OSTM1: variants seen among roughly 807,000 people sequenced by gnomAD.
OSTM1 encodes osteoclastogenesis associated transmembrane protein 1.
A neutral mutation model predicts 35.4 loss-of-function variants in OSTM1; 26 were observed. That is an observed-to-expected ratio of 0.73 (90% CI 0.54 to 1.02). The LOEUF (loss-of-function observed/expected upper bound fraction) is 1.02. OSTM1 is among the 50% of genes least tolerant of loss of function. OSTM1 has a pLI of 0.00. For missense variants in OSTM1, 366 were observed against 409.6 expected (o/e 0.89, Z 0.92); for synonymous variants, 181 against 165.0 (o/e 1.10, Z -0.75).
chr6:108,045,949 T>C (rs1260036153), intron 5 of OSTM1, among the ~76,000 whole-genome samples: 2 of 152,148 alleles, frequency 1.3e-5, no homozygotes, highest in Non-Finnish European at 2.9e-5. Flanking sequence ...CAGATAATTC[T>C]GATGTGTAGC....
At chr6:108,066,108 C>G (rs1772371790) in intron 1 of OSTM1, among the ~76,000 whole-genome samples, 1 of 152,098 alleles carries the variant, frequency 6.6e-6, no homozygotes, top group African/African-American at 2.4e-5. Flanking sequence ...TAAGTTAGAA[C>G]AAGGTTATGA....
In OSTM1 at chr6:108,074,640, G is replaced by A. The variant is rs767026135; in HGVS notation, c.12C>T (p.Gly4=). 3 of 1,549,450 alleles carry A rather than the reference G, an allele frequency of 1.9e-6. No individual in the cohort carries two copies. The African/African-American group carries it at 4.1e-5, about 21-fold the overall frequency. Residue 4 remains glycine (G), a synonymous_variant, in exon 1 of 6, where the codon GGC becomes GGT. Coordinates refer to ENST00000193322, the MANE Select transcript of OSTM1 (RefSeq NM_014028.4). The stretch of plus-strand genomic sequence containing the variant: ...AACACCTCCGCTGCGCGGCTGTCGG[G>A]CCCGGCTCCATCACCGGGCTCACAC... The part of the protein sequence containing the change: MEP[G]PTAAQRRCSL...
intron 2 of OSTM1, among the ~76,000 whole-genome samples, chr6:108,057,474 G>A (rs1772188365): frequency 6.6e-6 from 1 of 152,068 alleles, no homozygotes; most frequent in Non-Finnish European, 1.5e-5. Flanking sequence ...AACAATATAG[G>A]GATAAAAGGG....
At chr6:108,064,436 T>A (rs966373568) in intron 1 of OSTM1, 137 bp from the exon 2 acceptor site, 3 of 656,232 alleles carry the variant, frequency 4.6e-6, no homozygotes, top group Non-Finnish European at 8.2e-6. Flanking sequence ...GATGTTAACA[T>A]TAATAAAAAC....
intron 1 of OSTM1, chr6:108,073,942 G>A: frequency 2.3e-6 from 1 of 437,856 alleles, no homozygotes; most frequent in Non-Finnish European, 4.1e-6. Context: ...AACTCCAGGT[G>A]AAGATGAGAA....
chr6:108,071,515 G>A (rs1267798998), intron 1 of OSTM1, among the ~76,000 whole-genome samples: 2 of 120,670 alleles, frequency 1.7e-5, no homozygotes, highest in Non-Finnish European at 3.3e-5. Flanking sequence ...GTTTCACCAT[G>A]TTGGCCAGGC....
At chr6:108,056,388 T>C (rs1772170203) in intron 2 of OSTM1, among the ~76,000 whole-genome samples, 2 of 152,296 alleles carry the variant, frequency 1.3e-5, no homozygotes, top group South Asian at 4.1e-4. Flanking sequence ...AATAAACATA[T>C]TTATATCTAC....
At chr6:108,062,572 G>C (rs1191980189) in intron 2 of OSTM1, among the ~76,000 whole-genome samples, 4 of 142,422 alleles carry the variant, frequency 2.8e-5, no homozygotes. Flanking sequence ...GTTGTAGATA[G>C]GGTCTCGTTC....
intron 2 of OSTM1, among the ~76,000 whole-genome samples, chr6:108,055,901 T>A (rs1021462555): frequency 6.6e-6 from 1 of 152,204 alleles, no homozygotes; most frequent in African/African-American, 2.4e-5. Context: ...TTTCAACAGA[T>A]GGCTTTGTAT....
intron 1 of OSTM1, among the ~76,000 whole-genome samples, chr6:108,067,419 C>T (rs1772398463): frequency 1.3e-5 from 2 of 152,170 alleles, no homozygotes; most frequent in Admixed American, 6.5e-5. Flanking sequence ...ACAGAATCTT[C>T]ACTTTCTCTA....
At chr6:108,051,630 C>T (rs1415455669) in intron 3 of OSTM1, among the ~76,000 whole-genome samples, 1 of 152,136 alleles carries the variant, frequency 6.6e-6, no homozygotes, top group Non-Finnish European at 1.5e-5. Flanking sequence ...TAGGTTCCTG[C>T]CTATGCTGAC....
chr6:108,062,535 C>CTTTTTTTTTTTTT (rs780041339), intron 2 of OSTM1, among the ~76,000 whole-genome samples: 52 of 131,000 alleles, frequency 4.0e-4, no homozygotes, highest in Non-Finnish European at 4.8e-4. Flanking sequence ...CTTTTCTTTT[C>CTTTTTTTTTTTTT]TTTTTTTTTT....
intron 2 of OSTM1, among the ~76,000 whole-genome samples, chr6:108,063,921 A>G (rs1000450712): frequency 1.3e-5 from 2 of 152,198 alleles, no homozygotes; most frequent in Non-Finnish European, 2.9e-5. Context: ...TCTGACAGCT[A>G]GTAGGTTAGG....
At chr6:108,046,585 T>G (rs1178891272) in intron 5 of OSTM1, among the ~76,000 whole-genome samples, 1 of 151,384 alleles carries the variant, frequency 6.6e-6, no homozygotes, top group Non-Finnish European at 1.5e-5. Context: ...GACCTCATGA[T>G]CCACCTGCCT....
chr6:108,042,205 G>A lies in OSTM1; in HGVS notation c.*2580C>T, dbSNP rs1302477819. 1 of 140,998 alleles carries A rather than the reference G, an allele frequency of 7.1e-6. No individual in the cohort carries two copies. The highest frequency in any genetic ancestry group is 1.5e-5 in the Non-Finnish European group (1 of 66,652). The allele number at this position is 140,998 out of a possible 1,614,324, so 8.7% of individuals were successfully genotyped here. On this transcript the variant is annotated 3_prime_UTR_variant, in exon 6 of 6. Coordinates refer to ENST00000193322, the MANE Select transcript of OSTM1 (RefSeq NM_014028.4). The stretch of plus-strand genomic sequence containing the variant: ...CCAGCACTTTGGGAGGCTAAGGCAG[G>A]AGGATCTCTTGAACTCAGGAGTTCA...
At position 108,054,443 on chromosome 6, in the gene OSTM1, CT is replaced by C. The variant is rs375685738; in HGVS notation, c.615+46del. ...AAAAACTTGGAACTGCACATTATTC[CT>C]TTGTACAAGGCAGCATTTTAATTTT... On this transcript the variant is annotated intron_variant, in intron 3 of 5. Coordinates refer to ENST00000193322, the MANE Select transcript of OSTM1 (RefSeq NM_014028.4). 3.9e-4 allele frequency: 336 copies of C among 861,096 alleles called. 1 individual carries two copies. The African/African-American group carries it at 5.3e-3, about 14-fold the overall frequency. 53.3% of individuals were successfully genotyped at this position (861,096 alleles called of 1,614,324 possible).
intron 2 of OSTM1, chr6:108,060,878 C>T (rs1287554134): frequency 2.0e-5 from 3 of 152,150 alleles, no homozygotes; most frequent in Admixed American, 1.3e-4. Flanking sequence ...ACAGATCGAA[C>T]TCCTTGTTCT....
At chr6:108,045,739 G>A (rs1268338144) in intron 5 of OSTM1, among the ~76,000 whole-genome samples, 2 of 152,134 alleles carry the variant, frequency 1.3e-5, no homozygotes, top group East Asian at 3.9e-4. Flanking sequence ...ATTTGGCTTG[G>A]TAATATGTTT....
chr6:108,045,257 G>C (rs1010211437), intron 5 of OSTM1, among the ~76,000 whole-genome samples: 2 of 152,042 alleles, frequency 1.3e-5, no homozygotes, highest in East Asian at 3.9e-4. Context: ...ACCTGATAAA[G>C]AGCATGTACA....
Sources: gnomAD v4.1 joint callset for allele counts (sites outside exome capture counted in the v4.1 genomes callset) on GRCh38, gnomAD v4.1.1 for gene constraint, MANE v1.5 for transcripts, NCBI Gene and HGNC (gene_info 2026-07-23, HGNC 2026-07-21) for gene names.